Variants in VWA2 observed in about 807,000 individuals in gnomAD.
VWA2 encodes von Willebrand factor A domain-containing protein 2.
In VWA2, 73 loss-of-function variants were observed where a neutral mutation model predicts 70.4. The observed-to-expected ratio is 1.04, with a 90% CI of 0.86 to 1.26. The LOEUF is 1.26. Ranked by LOEUF, VWA2 falls within the 50% of genes most tolerant of loss-of-function variation. The pLI, the probability that VWA2 is intolerant of heterozygous loss-of-function variation, is 0.00. For missense variants in VWA2, 1,011 were observed against 998.5 expected (o/e 1.01, Z -0.17); for synonymous variants, 407 against 423.3 (o/e 0.96, Z 0.47).
chr10:114,275,361 C>A (rs945519866), intron 6 of VWA2, among the ~76,000 whole-genome samples: 4 of 152,222 alleles, frequency 2.6e-5, no homozygotes, highest in African/African-American at 4.8e-5. Flanking sequence ...ATAGGCAATA[C>A]AAACTCCTGG....
At chr10:114,279,486 C>A (rs1347424729) in intron 8 of VWA2, among the ~76,000 whole-genome samples, 1 of 152,200 alleles carries the variant, frequency 6.6e-6, no homozygotes, top group African/African-American at 2.4e-5. Flanking sequence ...TTGGTCCTCC[C>A]CCAGCGATGA....
At chr10:114,256,681 C>T (rs1043572507) in intron 4 of VWA2, among the ~76,000 whole-genome samples, 15 of 152,170 alleles carry the variant, frequency 9.9e-5, no homozygotes, top group African/African-American at 3.6e-4. Context: ...GAGGCCAAGG[C>T]GGGTGGATCA....
At chr10:114,261,387 A>G in intron 5 of VWA2, 92 bp downstream of exon 5, 1 of 1,012,908 alleles carries the variant, frequency 9.9e-7, no homozygotes, top group Non-Finnish European at 1.5e-6. Flanking sequence ...CTGGGCTCAC[A>G]GAGAGGACTG....
chr10:114,279,613 G>A (rs1002181607), intron 8 of VWA2, among the ~76,000 whole-genome samples: 1 of 152,190 alleles, frequency 6.6e-6, no homozygotes, highest in Non-Finnish European at 1.5e-5. Flanking sequence ...CCTACATAAG[G>A]GTCAGAGGAG....
intron 5 of VWA2, among the ~76,000 whole-genome samples, chr10:114,263,572 T>C (rs1035443281): frequency 6.0e-5 from 9 of 150,006 alleles, no homozygotes; most frequent in Non-Finnish European, 1.3e-4. Context: ...CTCCTGACCT[T>C]GTGATCTGCC....
intron 1 of VWA2, 73 bp from the exon 2 acceptor site, chr10:114,248,631 G>A: frequency 6.0e-6 from 8 of 1,331,634 alleles, no homozygotes; most frequent in Non-Finnish European, 8.7e-6. Context: ...TTGGCATCTT[G>A]TTTGGCGGTG....
chr10:114,276,452 G>A (rs1209738738), intron 6 of VWA2, among the ~76,000 whole-genome samples: 1 of 152,144 alleles, frequency 6.6e-6, no homozygotes, highest in African/African-American at 2.4e-5. Context: ...CAAGGGCAGC[G>A]TGAAACTCTA....
rs367821823 is a variant in VWA2, at chr10:114,289,400, T to C, written c.2033T>C (p.Leu678Pro). The change falls in exon 12 of 14, where the codon CTT becomes CCT. Residue 678 changes from leucine to proline, a missense_variant. Physicochemically the swap from Leu to Pro is moderately conservative, Grantham distance 98 (BLOSUM62 -3). Transcript: ENST00000392982. Reference sequence around the variant, plus strand: ...GTCCTAAGTGAGGGTCTGCGGAGGCTTGCAGGTCCCCGGGATTCCCTGATC... The same window carrying C: ...GTCCTAAGTGAGGGTCTGCGGAGGCCTGCAGGTCCCCGGGATTCCCTGATC... The part of the protein sequence containing the change: ...GPVLSEGLRR[L>P]AGPRDSLIHV... The C allele has an allele frequency of 1.1e-4, 172 of 1,614,086 alleles. No individual in the cohort carries two copies. The highest frequency in any genetic ancestry group is 1.6e-4 in the Middle Eastern group (1 of 6,084).
At chr10:114,290,500 A>G (rs2039473905) in intron 13 of VWA2, 135 bp downstream of exon 13, 2 of 1,275,318 alleles carry the variant, frequency 1.6e-6, no homozygotes, top group African/African-American at 3.0e-5. Context: ...TTTACCCACG[A>G]AACATTTAGT....
chr10:114,280,530 G>T (rs1443179248), intron 8 of VWA2, among the ~76,000 whole-genome samples: 1 of 152,118 alleles, frequency 6.6e-6, no homozygotes, highest in Non-Finnish European at 1.5e-5. Flanking sequence ...CCTGAGGGAG[G>T]TGGGGGGCAA....
intron 11 of VWA2, among the ~76,000 whole-genome samples, 192 bp downstream of exon 11, chr10:114,286,703 C>A (rs144084844): frequency 1.4e-3 from 215 of 152,328 alleles, no homozygotes; most frequent in Middle Eastern, 0.01. Flanking sequence ...ATAGTAGTAC[C>A]TCCTGAGAGA....
rs1564723566 is a variant in VWA2 at position 114,268,946 on chromosome 10, C to CT, written c.372-3794_372-3793insT. On this transcript the variant is annotated intron_variant, in intron 5 of 13. Coordinates refer to ENST00000392982, the MANE Select transcript of VWA2 (RefSeq NM_001272046.2). ...TCTTGACCTTGTGAAACGCCCGCCTCGGCCTTCCAAAGTGCTGGGCCTTCC... is the reference window on the plus strand; with the variant it reads ...TCTTGACCTTGTGAAACGCCCGCCTCTGGCCTTCCAAAGTGCTGGGCCTTCC... 2.0e-5 allele frequency among the ~76,000 whole-genome samples: 3 copies of CT among 151,832 alleles called. 1 individual carries two copies. The South Asian group carries it at 6.2e-4, about 32-fold the overall frequency.
At position 114,272,298 on chromosome 10, in the gene VWA2, C is replaced by T. The variant is rs74407326; in HGVS notation, c.372-442C>T. Among the ~76,000 whole-genome samples the T allele has an allele frequency of 4.3e-4, 65 of 152,350 alleles. 1 individual carries two copies. In the East Asian group the frequency reaches 0.012, roughly 28 times the overall value. On this transcript the variant is annotated intron_variant, in intron 5 of 13. Transcript: ENST00000392982. ...GAAAAGACTGTCATCACACCCTTGC[C>T]TTGAAGCCCTGTCCTTCACTCTTAT...
intron 8 of VWA2, among the ~76,000 whole-genome samples, chr10:114,279,653 A>G (rs574199628): frequency 6.6e-6 from 1 of 152,240 alleles, no homozygotes; most frequent in East Asian, 1.9e-4. Flanking sequence ...TGGGGCCACC[A>G]GAGGCTCTCC....
At chr10:114,265,009 CA>C (rs2037532036) in intron 5 of VWA2, among the ~76,000 whole-genome samples, 1 of 152,212 alleles carries the variant, frequency 6.6e-6, no homozygotes. Context: ...CATGAGTCAC[CA>C]TGCCTGGCCA....
intron 1 of VWA2, among the ~76,000 whole-genome samples, chr10:114,244,860 C>G (rs2037037649): frequency 1.3e-5 from 2 of 152,260 alleles, no homozygotes; most frequent in Non-Finnish European, 2.9e-5. Flanking sequence ...AAGGGTCCCT[C>G]TAGCCCTCCC....
intron 2 of VWA2, among the ~76,000 whole-genome samples, chr10:114,250,831 G>C (rs79633976): frequency 0.013 from 1,953 of 152,358 alleles, 37 homozygotes; most frequent in African/African-American, 0.045. Context: ...GCACAGTCCA[G>C]GTTCTGTTCC....
chr10:114,289,629 C>T, intron 12 of VWA2, 140 bp downstream of exon 12: 2 of 917,688 alleles, frequency 2.2e-6, no homozygotes, highest in Non-Finnish European at 3.4e-6. Context: ...CTGTGCTAAA[C>T]CCCATGCTCA....
intron 6 of VWA2, among the ~76,000 whole-genome samples, chr10:114,274,659 CTT>C (rs561447449): frequency 4.2e-5 from 6 of 144,198 alleles, no homozygotes; most frequent in Non-Finnish European, 1.5e-5. Context: ...CACCTGGCTA[CTT>C]TTTTTTTTTT....
Sources: allele counts gnomAD v4.1 joint callset (sites outside exome capture counted in the v4.1 genomes callset), GRCh38; gene constraint gnomAD v4.1.1; transcripts MANE v1.5; gene names NCBI Gene and HGNC (gene_info 2026-07-23, HGNC 2026-07-21).